VPS13B: variants seen among roughly 807,000 people sequenced by gnomAD.
VPS13B encodes vacuolar protein sorting 13 homolog B.
In VPS13B, 285 loss-of-function variants were observed where a neutral mutation model predicts 426.4. The ratio of observed to expected loss-of-function variants is 0.67; its 90% confidence interval spans 0.61 to 0.74. The LOEUF is 0.74. VPS13B is among the 30% of genes least tolerant of loss of function. The probability of loss-of-function intolerance (pLI) is 0.00; values close to 1 mark genes in which losing one functional copy is unlikely to be tolerated. For missense variants in VPS13B, 4,537 were observed against 4,782.6 expected, an observed-to-expected ratio of 0.95 and a Z score of 1.51; for synonymous variants, 1,676 against 1,676.4, an observed-to-expected ratio of 1.00 and a Z score of 0.01.
At chr8:99,014,817 GT>G (rs903879868) in intron 2 of VPS13B, among the ~76,000 whole-genome samples, 24 of 151,798 alleles carry the variant, frequency 1.6e-4, no homozygotes, top group African/African-American at 5.1e-4. Context: ...TTTATTAATC[GT>G]TTTAGTTTCT....
At chr8:99,465,174 T>G (rs963914760) in intron 23 of VPS13B, among the ~76,000 whole-genome samples, 1 of 152,102 alleles carries the variant, frequency 6.6e-6, no homozygotes, top group South Asian at 2.1e-4. Context: ...TTTTATGGAG[T>G]GCCCAGAACA....
At chr8:99,099,881 A>T (rs1013059157) in intron 4 of VPS13B, among the ~76,000 whole-genome samples, 5 of 152,166 alleles carry the variant, frequency 3.3e-5, no homozygotes, top group South Asian at 2.1e-4. Flanking sequence ...ATTTCTGGAG[A>T]AAGGTTGACT....
chr8:99,163,473 GGCTGCACAGGA>G (rs1811796944), intron 15 of VPS13B, among the ~76,000 whole-genome samples: 1 of 152,190 alleles, frequency 6.6e-6, no homozygotes, highest in Admixed American at 6.5e-5. Flanking sequence ...GGGAGGCTCG[GGCTGCACAGGA>G]GCCCATGGAG....
chr8:99,854,028 G>C lies in VPS13B; in HGVS notation c.10639G>C (p.Val3547Leu). ...GGGTAAACAGGTGTTGCCCATGCAG[G>C]TCACACAGCACGCCAGGGCCTTGGT... ...SGGKQVLPMQ[V>L]TQHARALVNP... Residue 3547 changes from valine to leucine, a missense_variant, in exon 56 of 62, where the codon GTC becomes CTC. Around this residue, in one of 2 missense-constraint regions of VPS13B, gnomAD observed 4,311 missense variants for 4,474.3 expected, o/e 0.96. Coordinates refer to ENST00000357162, the MANE Select transcript of VPS13B (RefSeq NM_152564.5). 2 of 1,614,200 alleles carry C rather than the reference G, an allele frequency of 1.2e-6. No individual in the cohort carries two copies. Among genetic ancestry groups the C allele is most frequent in the Non-Finnish European group, 1.7e-6 (2 of 1,180,044 alleles).
At chr8:99,510,662 C>T (rs1821741898) in intron 28 of VPS13B, among the ~76,000 whole-genome samples, 2 of 152,232 alleles carry the variant, frequency 1.3e-5, no homozygotes, top group South Asian at 4.1e-4. Context: ...ACTACCATGC[C>T]ACCACATCTG....
intron 33 of VPS13B, among the ~76,000 whole-genome samples, chr8:99,616,331 G>A (rs1448223277): frequency 2.0e-5 from 3 of 152,040 alleles, no homozygotes; most frequent in Admixed American, 6.6e-5. Flanking sequence ...AAAATCTCAC[G>A]AGATAATGAG....
chr8:99,379,936 A>AGG (rs1563697604), intron 19 of VPS13B, among the ~76,000 whole-genome samples: 10 of 152,332 alleles, frequency 6.6e-5, no homozygotes, highest in Admixed American at 1.3e-4. Flanking sequence ...ATTGAATTAT[A>AGG]TATTCCTGAA....
At chr8:99,170,235 ATC>A in intron 16 of VPS13B, 72 bp downstream of exon 16, 6 of 1,545,690 alleles carry the variant, frequency 3.9e-6, no homozygotes, top group Non-Finnish European at 4.4e-6. Context: ...CCCCAAATGT[ATC>A]TGTCTTATGC....
chr8:99,828,494 T>C (rs1258471252), intron 51 of VPS13B, among the ~76,000 whole-genome samples: 1 of 147,288 alleles, frequency 6.8e-6, no homozygotes, highest in Non-Finnish European at 1.5e-5. Flanking sequence ...ATGTGTGTCT[T>C]TGCACATGAG....
intron 17 of VPS13B, among the ~76,000 whole-genome samples, chr8:99,268,824 T>C (rs1039613627): frequency 6.6e-6 from 1 of 151,988 alleles, no homozygotes; most frequent in Admixed American, 6.6e-5. Context: ...AAGGATATGG[T>C]TTGGCTGTGT....
chr8:99,433,358 T>C (rs1817214070), intron 22 of VPS13B, among the ~76,000 whole-genome samples: 1 of 152,172 alleles, frequency 6.6e-6, no homozygotes, highest in East Asian at 1.9e-4. Flanking sequence ...TGAGAAAATT[T>C]TAGAAGTGGG....
At chr8:99,740,042 C>T (rs909843475) in intron 39 of VPS13B, among the ~76,000 whole-genome samples, 3 of 152,084 alleles carry the variant, frequency 2.0e-5, no homozygotes, top group Admixed American at 6.6e-5. Context: ...GGAGGAAGTA[C>T]GAACCCATGG....
At chr8:99,125,868 GT>G (rs1342139259) in intron 8 of VPS13B, among the ~76,000 whole-genome samples, 1 of 152,086 alleles carries the variant, frequency 6.6e-6, no homozygotes, top group African/African-American at 2.4e-5. Flanking sequence ...TTTCAAGACA[GT>G]TTTGTTATAA....
Position 99,123,109 on chromosome 8 carries a change from G to A in VPS13B, c.1206+1664G>A, listed in dbSNP as rs557298018. ...GCACTCCAGCCTGGGCAACAAGAGC[G>A]AAACTCTGTCTCCAAAAAAAAAAAA... On this transcript the variant is annotated intron_variant, in intron 8 of 61. Transcript: ENST00000357162. 8.1e-5 allele frequency among the ~76,000 whole-genome samples: 8 copies of A among 98,332 alleles called. No homozygotes were observed. In the South Asian group the frequency reaches 2.1e-3, roughly 26 times the overall value. The allele number at this position is 98,332 out of a possible 152,430, so 64.5% of individuals were successfully genotyped here.
At chr8:99,870,236 A>G (rs1461386382) in intron 59 of VPS13B, among the ~76,000 whole-genome samples, 1 of 152,166 alleles carries the variant, frequency 6.6e-6, no homozygotes, top group Non-Finnish European at 1.5e-5. Context: ...TGACACAATC[A>G]TAGCTCACTG....
rs767412692 is a variant in VPS13B at position 99,859,336 on chromosome 8, A to C, written c.10900A>C (p.Ser3634Arg). Residue 3634 changes from serine to arginine, a missense_variant, in exon 57 of 62, where the codon AGC (serine) becomes CGC (arginine). Ser to Arg is a moderately radical substitution (Grantham distance 110, BLOSUM62 -1). Around this residue, in one of 2 missense-constraint regions of VPS13B, gnomAD observed 4,311 missense variants for 4,474.3 expected, o/e 0.96. Transcript: ENST00000357162. The part of the protein sequence containing the change: ...WVVGSLDILG[S>R]PASLVRSIGN... ...AGTTGGGTCTCTGGATATTCTTGGC[A>C]GCCCTGCAAGCCTGGTGAGAAGCAT... The C allele has an allele frequency of 6.2e-7, 1 of 1,613,778 alleles. No individual in the cohort carries two copies. The highest frequency in any genetic ancestry group is 2.2e-5 in the East Asian group (1 of 44,888).
At chr8:99,532,267 C>A (rs767971965) in intron 30 of VPS13B, among the ~76,000 whole-genome samples, 5 of 152,094 alleles carry the variant, frequency 3.3e-5, no homozygotes, top group Non-Finnish European at 5.9e-5. Flanking sequence ...ATTTGCTAAT[C>A]CTTTTTAGTG....
Position 99,818,669 on chromosome 8 carries a change from A to T in VPS13B, c.8446-44A>T. On this transcript the variant is annotated intron_variant, in intron 46 of 61. Transcript: ENST00000357162. The stretch of plus-strand genomic sequence containing the variant: ...CAGCATCAAACAGCTGGAATACTGC[A>T]ACAAAGCAAATATGAAAGTTGTTCT... 3 of 1,611,980 alleles carry T rather than the reference A, an allele frequency of 1.9e-6. No individual in the cohort carries two copies. In the South Asian group the frequency reaches 3.3e-5, roughly 18 times the overall value.
chr8:99,115,179 A>C (rs919711945), intron 6 of VPS13B, among the ~76,000 whole-genome samples: 1 of 152,124 alleles, frequency 6.6e-6, no homozygotes, highest in African/African-American at 2.4e-5. Flanking sequence ...TATTATTTAC[A>C]TACTTTCATA....
Sources: allele counts gnomAD v4.1 joint callset (sites outside exome capture counted in the v4.1 genomes callset), GRCh38; gene constraint gnomAD v4.1.1; regional missense constraint gnomAD v4.1.1; transcripts MANE v1.5; gene names NCBI Gene and HGNC (gene_info 2026-07-23, HGNC 2026-07-21).